The following FCHSD2 variants were observed in gnomAD, a reference collection of about 807,000 sequenced individuals.
The protein encoded by FCHSD2 is F-BAR and double SH3 domains protein 2.
In FCHSD2, 38 loss-of-function variants were observed where a neutral mutation model predicts 108.1. That is an observed-to-expected ratio of 0.35 (90% CI 0.27 to 0.46). FCHSD2 has a LOEUF of 0.46. Among genes scored for constraint, FCHSD2 ranks in the 20% least tolerant of loss-of-function variants. The probability of loss-of-function intolerance (pLI) is 1.00; values close to 1 mark genes in which losing one functional copy is unlikely to be tolerated. For missense variants in FCHSD2, 751 were observed against 897.8 expected (o/e 0.84, Z 2.09); for synonymous variants, 279 against 314.7 (o/e 0.89, Z 1.20).
intron 8 of FCHSD2, among the ~76,000 whole-genome samples, chr11:72,939,039 A>C (rs1436043112): frequency 6.6e-6 from 1 of 152,196 alleles, no homozygotes; most frequent in Admixed American, 6.5e-5. Flanking sequence ...TTAATACAGT[A>C]GCCAAACTGT....
intron 3 of FCHSD2, among the ~76,000 whole-genome samples, chr11:73,026,286 T>G (rs1858227766): frequency 1.3e-5 from 2 of 152,138 alleles, no homozygotes; most frequent in African/African-American, 4.8e-5. Flanking sequence ...CCTATACAGA[T>G]AAATGAAATA....
chr11:73,105,208 A>C (rs1270551570), intron 2 of FCHSD2, among the ~76,000 whole-genome samples: 1 of 152,234 alleles, frequency 6.6e-6, no homozygotes, highest in African/African-American at 2.4e-5. Flanking sequence ...AAGACTTAGG[A>C]AAAGAACCTA....
At chr11:72,958,060 T>C (rs1359482250) in intron 8 of FCHSD2, among the ~76,000 whole-genome samples, 1 of 152,230 alleles carries the variant, frequency 6.6e-6, no homozygotes, top group Non-Finnish European at 1.5e-5. Context: ...TACCTCACCA[T>C]TTAACTACTT....
At chr11:72,850,898 T>C (rs2135171675) in intron 13 of FCHSD2, among the ~76,000 whole-genome samples, 1 of 151,454 alleles carries the variant, frequency 6.6e-6, no homozygotes, top group African/African-American at 2.4e-5. Context: ...GAGACCAGCC[T>C]GGCCAACATG....
intron 12 of FCHSD2, among the ~76,000 whole-genome samples, chr11:72,876,008 A>C (rs1182761977): frequency 6.6e-6 from 1 of 152,216 alleles, no homozygotes; most frequent in African/African-American, 2.4e-5. Context: ...GAGTAACCTC[A>C]GGCAAAACCA....
chr11:73,104,735 AT>A (rs1198372431), intron 2 of FCHSD2, among the ~76,000 whole-genome samples: 3 of 151,260 alleles, frequency 2.0e-5, no homozygotes, highest in Non-Finnish European at 4.4e-5. Context: ...CACCCGGCTA[AT>A]TTTTGTATTT....
intron 12 of FCHSD2, among the ~76,000 whole-genome samples, chr11:72,870,017 C>T (rs1170722689): frequency 6.6e-6 from 1 of 152,156 alleles, no homozygotes; most frequent in South Asian, 2.1e-4. Context: ...CCCCTATGCT[C>T]CCACCCCACT....
intron 12 of FCHSD2, among the ~76,000 whole-genome samples, chr11:72,882,573 G>A (rs746061284): frequency 6.6e-6 from 1 of 152,210 alleles, no homozygotes; most frequent in Non-Finnish European, 1.5e-5. Flanking sequence ...ATAAATGTCT[G>A]AGGTGATAGA....
At chr11:73,075,424 A>C (rs1053387568) in intron 3 of FCHSD2, among the ~76,000 whole-genome samples, 2 of 152,254 alleles carry the variant, frequency 1.3e-5, no homozygotes, top group Non-Finnish European at 2.9e-5. Flanking sequence ...GAAACAACAG[A>C]CAATGACAGG....
Position 72,983,288 on chromosome 11 carries a change from C to T in FCHSD2, c.705+800G>A, listed in dbSNP as rs183079493. On this transcript the variant is annotated intron_variant, in intron 8 of 19. Coordinates refer to ENST00000409418, the MANE Select transcript of FCHSD2 (RefSeq NM_014824.3). Reference sequence around the variant, plus strand: ...CAGCCTGGGCGACAGAGCGAGACTCCGTCTCAAAAAAAAAAAAAAATAAAT... The same window carrying T: ...CAGCCTGGGCGACAGAGCGAGACTCTGTCTCAAAAAAAAAAAAAAATAAAT... 6.0e-4 allele frequency among the ~76,000 whole-genome samples: 88 copies of T among 146,324 alleles called. No individual in the cohort carries two copies. The East Asian group carries it at 0.016, about 27-fold the overall frequency.
chr11:73,122,331 G>A (rs948600530), intron 2 of FCHSD2, among the ~76,000 whole-genome samples: 17 of 152,122 alleles, frequency 1.1e-4, no homozygotes, highest in African/African-American at 3.6e-4. Flanking sequence ...ACTACCAGAA[G>A]AAACATCAAG....
intron 2 of FCHSD2, among the ~76,000 whole-genome samples, chr11:73,092,435 T>C (rs1205289080): frequency 6.6e-6 from 1 of 152,030 alleles, no homozygotes; most frequent in Admixed American, 6.6e-5. Context: ...CCACCATACC[T>C]GGCCCGGCAT....
At chr11:73,127,701 C>T (rs942243499) in intron 2 of FCHSD2, among the ~76,000 whole-genome samples, 1 of 152,130 alleles carries the variant, frequency 6.6e-6, no homozygotes, top group African/African-American at 2.4e-5. Context: ...TATTAAGGGG[C>T]AAATTATTCA....
At chr11:73,015,587 A>T (rs971978544) in intron 4 of FCHSD2, among the ~76,000 whole-genome samples, 1 of 152,178 alleles carries the variant, frequency 6.6e-6, no homozygotes, top group African/African-American at 2.4e-5. Context: ...ATCTTGGCTT[A>T]TATAAGACAT....
At chr11:73,074,603 AT>A (rs1031308339) in intron 3 of FCHSD2, among the ~76,000 whole-genome samples, 2 of 152,224 alleles carry the variant, frequency 1.3e-5, no homozygotes, top group African/African-American at 4.8e-5. Context: ...AAGAAAAAAA[AT>A]ATATTTCCTT....
intron 8 of FCHSD2, among the ~76,000 whole-genome samples, chr11:72,944,914 TG>T (rs1014005120): frequency 3.9e-5 from 6 of 152,108 alleles, no homozygotes; most frequent in African/African-American, 1.4e-4. Context: ...TACAAACAAA[TG>T]GAAGAACATT....
At chr11:73,094,466 A>G (rs1860030540) in intron 2 of FCHSD2, among the ~76,000 whole-genome samples, 1 of 152,236 alleles carries the variant, frequency 6.6e-6, no homozygotes, top group South Asian at 2.1e-4. Context: ...TTACAAAAAT[A>G]TTTATACCAT....
At chr11:72,856,360 G>C (rs1262363428) in intron 13 of FCHSD2, among the ~76,000 whole-genome samples, 1 of 152,094 alleles carries the variant, frequency 6.6e-6, no homozygotes, top group Non-Finnish European at 1.5e-5. Context: ...GAATTAAATG[G>C]CTTTCTCTTG....
At chr11:72,879,424 G>A (rs1855034175) in intron 12 of FCHSD2, among the ~76,000 whole-genome samples, 2 of 152,204 alleles carry the variant, frequency 1.3e-5, no homozygotes, top group South Asian at 4.1e-4. Context: ...AGAAAAACAT[G>A]AGCCAAGACA....
Sources: allele counts gnomAD v4.1 joint callset (sites outside exome capture counted in the v4.1 genomes callset), GRCh38; gene constraint gnomAD v4.1.1; transcripts MANE v1.5; gene names NCBI Gene and HGNC (gene_info 2026-07-23, HGNC 2026-07-21).